The following GTPBP10 variants were observed in gnomAD, a reference collection of about 807,000 sequenced individuals.
The protein encoded by GTPBP10 is GTP-binding protein 10.
In GTPBP10, 38 loss-of-function variants were observed where a neutral mutation model predicts 44.8. That is an observed-to-expected ratio of 0.85 (90% CI 0.65 to 1.11). The LOEUF (loss-of-function observed/expected upper bound fraction) is 1.11, where lower values mean the gene tolerates loss of function less well. GTPBP10 is among the 50% of genes most tolerant of loss of function. The pLI, the probability that GTPBP10 is intolerant of heterozygous loss-of-function variation, is 0.00. For synonymous variants in GTPBP10, 152 were observed against 150.6 expected, an observed-to-expected ratio of 1.01 and a Z score of -0.07; for missense variants, 462 against 453.7, an observed-to-expected ratio of 1.02 and a Z score of -0.17.
chr7:90,353,245 A>G (rs7786462), intron 2 of GTPBP10: 18,058 of 351,718 alleles, frequency 0.051, 1,772 homozygotes, highest in East Asian at 0.21. Flanking sequence ...TTCTTTTTGC[A>G]CTTCCCCTGT....
At chr7:90,369,846 T>C (rs1292366704) in intron 4 of GTPBP10, among the ~76,000 whole-genome samples, 1 of 152,150 alleles carries the variant, frequency 6.6e-6, no homozygotes, top group Admixed American at 6.6e-5. Context: ...ACCCGCCACA[T>C]TGAGATGAAC....
chr7:90,366,354 A>G (rs1291195420), intron 4 of GTPBP10, among the ~76,000 whole-genome samples: 1 of 152,170 alleles, frequency 6.6e-6, no homozygotes, highest in Non-Finnish European at 1.5e-5. Context: ...AAGGAATGGT[A>G]CCAGCTCCTC....
chr7:90,361,645 A>C (rs1256225409), intron 4 of GTPBP10, among the ~76,000 whole-genome samples: 1 of 152,232 alleles, frequency 6.6e-6, no homozygotes, highest in South Asian at 2.1e-4. Context: ...CTGGCCTCAT[A>C]AAATGAGTTA....
chr7:90,364,714 T>C (rs1396567557), intron 4 of GTPBP10, among the ~76,000 whole-genome samples: 3 of 152,206 alleles, frequency 2.0e-5, no homozygotes, highest in African/African-American at 7.2e-5. Context: ...TGTTTGGCTA[T>C]GCCCTGCCCC....
At chr7:90,349,264 C>T (rs1452936112) in intron 1 of GTPBP10, among the ~76,000 whole-genome samples, 1 of 152,076 alleles carries the variant, frequency 6.6e-6, no homozygotes, top group East Asian at 1.9e-4. Flanking sequence ...GTGTTCTTTT[C>T]CATGGTTGAC....
intron 4 of GTPBP10, among the ~76,000 whole-genome samples, chr7:90,365,815 G>A (rs1796123409): frequency 6.6e-6 from 1 of 152,212 alleles, no homozygotes; most frequent in Non-Finnish European, 1.5e-5. Flanking sequence ...AATAGGAGTG[G>A]TAAGAGAGGG....
chr7:90,352,773 T>C, intron 1 of GTPBP10, 43 bp from the exon 2 acceptor site: 1 of 1,462,582 alleles, frequency 6.8e-7, no homozygotes, highest in Non-Finnish European at 9.2e-7. Flanking sequence ...TCTAAGGTGA[T>C]ACACTTTTGG....
intron 4 of GTPBP10, among the ~76,000 whole-genome samples, chr7:90,369,632 G>A (rs913546688): frequency 3.9e-5 from 6 of 152,294 alleles, no homozygotes; most frequent in Admixed American, 2.6e-4. Context: ...AGCCAGGCAC[G>A]GGAGGATATT....
intron 3 of GTPBP10, 45 bp from the exon 4 acceptor site, chr7:90,355,041 C>T: frequency 7.9e-7 from 1 of 1,263,694 alleles, no homozygotes. Flanking sequence ...TTAGTGATTT[C>T]ACTTATTAAT....
At chr7:90,362,576 G>C (rs1796046118) in intron 4 of GTPBP10, among the ~76,000 whole-genome samples, 2 of 152,172 alleles carry the variant, frequency 1.3e-5, no homozygotes, top group Non-Finnish European at 2.9e-5. Context: ...TTTGGATTAA[G>C]TGCGGTGTGG....
At chr7:90,358,432 T>A (rs1795947678) in intron 4 of GTPBP10, among the ~76,000 whole-genome samples, 1 of 152,080 alleles carries the variant, frequency 6.6e-6, no homozygotes, top group Non-Finnish European at 1.5e-5. Flanking sequence ...CTTAGACCAA[T>A]GGAACAGAAT....
chr7:90,364,102 A>G (rs755912984), intron 4 of GTPBP10, among the ~76,000 whole-genome samples: 1 of 152,190 alleles, frequency 6.6e-6, no homozygotes, highest in Non-Finnish European at 1.5e-5. Context: ...AGCTCGGAGA[A>G]TTCTGATCAT....
intron 4 of GTPBP10, among the ~76,000 whole-genome samples, chr7:90,357,130 C>T (rs1473954559): frequency 2.0e-5 from 3 of 152,104 alleles, no homozygotes; most frequent in Non-Finnish European, 2.9e-5. Context: ...ATTTGTGCTG[C>T]TGTTGTCAGA....
rs748214980 is a variant in GTPBP10, at chr7:90,372,190, G to A, written c.500G>A (p.Cys167Tyr). 1.2e-6 allele frequency: 2 copies of A among 1,607,316 alleles called. No homozygotes were observed. The highest frequency in any genetic ancestry group is 4.5e-5 in the East Asian group (2 of 44,750). Reference sequence around the variant, plus strand: ...GCTGGAAAATCCTCTTTGCTAAGTTGTGTTTCTCATGCAAAACCTGCAATT... The same window carrying A: ...GCTGGAAAATCCTCTTTGCTAAGTTATGTTTCTCATGCAAAACCTGCAATT... The part of the protein sequence containing the change: ...PNAGKSSLLS[C>Y]VSHAKPAIAD... Residue 167 changes from cysteine (C) to tyrosine (Y), a missense_variant, in exon 5 of 10, where the codon TGT becomes TAT. Coordinates refer to ENST00000222511, the MANE Select transcript of GTPBP10 (RefSeq NM_033107.4).
Position 90,384,917 on chromosome 7 carries a change from C to T in GTPBP10, c.927C>T (p.Asn309=), listed in dbSNP as rs1335514849. 4 of 1,588,230 alleles carry T rather than the reference C, an allele frequency of 2.5e-6. No individual in the cohort carries two copies. ...ATTTTCTGCATTTATTTGAAAAAAA[C>T]ATGATTCCAGAGAGGACTGTAGAGT... is the stretch of plus-strand genomic sequence containing the variant. ...PKDFLHLFEK[N]MIPERTVEFQ... The change falls in exon 10 of 10, where the codon AAC becomes AAT. Residue 309 remains asparagine, a synonymous_variant. Coordinates refer to ENST00000222511, the MANE Select transcript of GTPBP10 (RefSeq NM_033107.4).
At chr7:90,361,763 AC>A (rs1358585873) in intron 4 of GTPBP10, among the ~76,000 whole-genome samples, 1 of 151,980 alleles carries the variant, frequency 6.6e-6, no homozygotes, top group African/African-American at 2.4e-5. Flanking sequence ...CTGGTCCTGG[AC>A]TTTTTTTGGT....
At chr7:90,366,616 T>C (rs1796139134) in intron 4 of GTPBP10, among the ~76,000 whole-genome samples, 1 of 152,164 alleles carries the variant, frequency 6.6e-6, no homozygotes. Context: ...GTGGGATCAG[T>C]AGTGATATCC....
chr7:90,348,226 GAAAAT>G (rs1473708050), intron 1 of GTPBP10, among the ~76,000 whole-genome samples: 1 of 152,058 alleles, frequency 6.6e-6, no homozygotes, highest in Non-Finnish European at 1.5e-5. Context: ...TCAAAAAAAA[GAAAAT>G]AAAAGATACC....
intron 4 of GTPBP10, 101 bp from the exon 5 acceptor site, chr7:90,372,054 T>C (rs1057242046): frequency 1.1e-5 from 7 of 664,090 alleles, no homozygotes; most frequent in Non-Finnish European, 1.8e-5. Context: ...ATTTATATTC[T>C]ACTTTTAATC....
Sources: allele counts gnomAD v4.1 joint callset (sites outside exome capture counted in the v4.1 genomes callset), GRCh38; gene constraint gnomAD v4.1.1; transcripts MANE v1.5; gene names NCBI Gene and HGNC (gene_info 2026-07-23, HGNC 2026-07-21).